Variants in SDK2 observed in about 807,000 individuals in gnomAD.
The protein encoded by SDK2 is protein sidekick-2.
In SDK2, 105 loss-of-function variants were observed where a neutral mutation model predicts 253.9. The observed-to-expected ratio is 0.41, with a 90% CI of 0.35 to 0.49. SDK2 has a LOEUF of 0.49. Among genes scored for constraint, SDK2 ranks in the 20% least tolerant of loss-of-function variants. SDK2 has a pLI of 0.06. For synonymous variants in SDK2, 1,249 were observed against 1,234.9 expected (o/e 1.01, Z -0.24); for missense variants, 2,608 against 3,003.0 (o/e 0.87, Z 3.07).
intron 1 of SDK2, among the ~76,000 whole-genome samples, chr17:73,514,014 A>G (rs959162114): frequency 9.2e-5 from 14 of 152,168 alleles, no homozygotes; most frequent in Non-Finnish European, 1.8e-4. Context: ...TTTTCACTCT[A>G]TACCTTTGTG....
At chr17:73,495,759 A>G (rs967507822) in intron 2 of SDK2, among the ~76,000 whole-genome samples, 1 of 151,874 alleles carries the variant, frequency 6.6e-6, no homozygotes, top group African/African-American at 2.4e-5. Context: ...AGGTCGGGAG[A>G]AGGACAGCCT....
intron 1 of SDK2, among the ~76,000 whole-genome samples, chr17:73,588,651 A>T (rs2045639534): frequency 2.0e-5 from 3 of 152,084 alleles, no homozygotes. Flanking sequence ...GAGGCCAGGG[A>T]TCCTATGAAA....
intron 44 of SDK2, among the ~76,000 whole-genome samples, chr17:73,348,125 C>T (rs1443761620): frequency 6.6e-6 from 1 of 152,244 alleles, no homozygotes; most frequent in African/African-American, 2.4e-5. Context: ...CCCTGGTCTA[C>T]ACTGCTTCTC....
chr17:73,578,344 C>T (rs1408706092), intron 1 of SDK2, among the ~76,000 whole-genome samples: 4 of 152,298 alleles, frequency 2.6e-5, no homozygotes, highest in East Asian at 1.9e-4. Context: ...GGATTACAGG[C>T]GTGAGCCACC....
intron 12 of SDK2, among the ~76,000 whole-genome samples, chr17:73,428,318 C>T (rs996455893): frequency 5.9e-5 from 9 of 152,148 alleles, no homozygotes; most frequent in Admixed American, 1.3e-4. Flanking sequence ...CCCGCCTCGG[C>T]CTCTCAAAGT....
chr17:73,500,632 C>T (rs1393355632), intron 2 of SDK2, among the ~76,000 whole-genome samples: 2 of 145,504 alleles, frequency 1.4e-5, no homozygotes, highest in African/African-American at 5.0e-5. Flanking sequence ...TCTCCATCTT[C>T]CCTCTATTCT....
chr17:73,438,342 C>G (rs891454922), intron 6 of SDK2, among the ~76,000 whole-genome samples, 188 bp from the exon 7 acceptor site: 1 of 152,184 alleles, frequency 6.6e-6, no homozygotes, highest in African/African-American at 2.4e-5. Context: ...CTTTCCTCTT[C>G]TATAAAGTGG....
At chr17:73,411,931 C>A (rs2063129128) in intron 18 of SDK2, among the ~76,000 whole-genome samples, 1 of 135,800 alleles carries the variant, frequency 7.4e-6, no homozygotes. Flanking sequence ...GCCACCATGC[C>A]CAGTTAATTT....
chr17:73,380,851 G>A (rs574231940), intron 34 of SDK2, 43 bp downstream of exon 34: 9 of 1,531,888 alleles, frequency 5.9e-6, no homozygotes, highest in African/African-American at 4.1e-5. Flanking sequence ...AATCCCCTGC[G>A]AGGCCTGGGC....
chr17:73,388,477 G>A (rs1348208746), intron 29 of SDK2, among the ~76,000 whole-genome samples: 27 of 152,032 alleles, frequency 1.8e-4, no homozygotes, highest in Admixed American at 1.6e-3. Flanking sequence ...TCGCTGCCCC[G>A]CCCCTTCTGC....
At chr17:73,389,112 TC>T (rs2062904655) in intron 29 of SDK2, among the ~76,000 whole-genome samples, 1 of 149,826 alleles carries the variant, frequency 6.7e-6, no homozygotes, top group African/African-American at 2.5e-5. Context: ...ATTCAAGCAA[TC>T]CTTCTACCTC....
intron 29 of SDK2, among the ~76,000 whole-genome samples, chr17:73,389,367 A>T (rs906271121): frequency 4.0e-5 from 6 of 151,858 alleles, no homozygotes; most frequent in African/African-American, 1.4e-4. Context: ...TATTTTTAGT[A>T]GGGACGAGGT....
chr17:73,410,059 G>A (rs1403696252), intron 18 of SDK2, among the ~76,000 whole-genome samples: 1 of 152,138 alleles, frequency 6.6e-6, no homozygotes. Flanking sequence ...TTGCCATATT[G>A]CCCAGGCTGG....
At chr17:73,354,358 T>G (rs1211340154) in intron 40 of SDK2, among the ~76,000 whole-genome samples, 3 of 152,178 alleles carry the variant, frequency 2.0e-5, no homozygotes, top group Non-Finnish European at 4.4e-5. Context: ...TTCACCTTCA[T>G]GCTGTTCAGT....
At chr17:73,535,879 G>A (rs1171198239) in intron 1 of SDK2, among the ~76,000 whole-genome samples, 4 of 152,126 alleles carry the variant, frequency 2.6e-5, no homozygotes, top group African/African-American at 9.7e-5. Context: ...TGGGGAGAAG[G>A]CAGGGGGCGG....
Position 73,361,931 on chromosome 17 carries a change from T to A in SDK2, c.5306-86A>T. ...TGGGGAAGGGGAAGCGGCCGTGGCC[T>A]GGGCCCCGGGACCCTGGGTAGGGGC... is the stretch of plus-strand genomic sequence containing the variant. On this transcript the variant is annotated intron_variant, in intron 38 of 44. Transcript: ENST00000392650. The surrounding 1 kb of genome is among the most constrained non-coding windows in gnomAD (Gnocchi z 4.1). The A allele has an allele frequency of 7.2e-7, 1 of 1,383,454 alleles. No individual in the cohort carries two copies. The highest frequency in any genetic ancestry group is 1.4e-5 in the South Asian group (1 of 72,392). The allele number at this position is 1,383,454 out of a possible 1,614,324, so 85.7% of individuals were successfully genotyped here.
chr17:73,402,238 G>A (rs1000821400), intron 18 of SDK2, 97 bp from the exon 19 acceptor site: 46 of 1,301,280 alleles, frequency 3.5e-5, no homozygotes, highest in Non-Finnish European at 4.4e-5. Flanking sequence ...GATGGTGTCC[G>A]GGGACCGGAG....
At chr17:73,390,239 C>T (rs1444350295) in intron 29 of SDK2, 48 bp downstream of exon 29, 1 of 1,463,572 alleles carries the variant, frequency 6.8e-7, no homozygotes, top group South Asian at 1.3e-5. Context: ...ACTGGCTGGC[C>T]CCCCCTCAGC....
intron 30 of SDK2, among the ~76,000 whole-genome samples, chr17:73,387,452 C>T (rs990939652): frequency 6.6e-6 from 1 of 152,132 alleles, no homozygotes; most frequent in Non-Finnish European, 1.5e-5. Flanking sequence ...AAAATTCAAC[C>T]CACTCGGAAT....
Sources: allele counts gnomAD v4.1 joint callset (sites outside exome capture counted in the v4.1 genomes callset), GRCh38; gene constraint gnomAD v4.1.1; non-coding constraint Gnocchi (gnomAD v3.1); transcripts MANE v1.5; gene names NCBI Gene and HGNC (gene_info 2026-07-23, HGNC 2026-07-21).